The following CCDC148 variants were observed in gnomAD, a reference collection of about 807,000 sequenced individuals.
The protein encoded by CCDC148 is coiled-coil domain containing 148.
A neutral mutation model predicts 85.7 loss-of-function variants in CCDC148; 89 were observed. The observed-to-expected ratio is 1.04, with a 90% confidence interval of 0.87 to 1.24. The LOEUF (loss-of-function observed/expected upper bound fraction) is 1.24. Ranked by LOEUF, CCDC148 falls within the 50% of genes most tolerant of loss-of-function variation. The pLI, the probability that CCDC148 is intolerant of heterozygous loss-of-function variation, is 0.00. For missense variants in CCDC148, 692 were observed against 671.7 expected (o/e 1.03, Z -0.33); for synonymous variants, 230 against 213.9 (o/e 1.08, Z -0.66).
intron 7 of CCDC148, 126 bp from the exon 8 acceptor site, chr2:158,314,020 C>T (rs1692167470): frequency 1.2e-6 from 1 of 823,956 alleles, no homozygotes; most frequent in Non-Finnish European, 1.8e-6. Context: ...ATTTTAAATA[C>T]ATTAGCCAAA....
At chr2:158,426,768 G>C (rs1221805465) in intron 1 of CCDC148, among the ~76,000 whole-genome samples, 1 of 152,144 alleles carries the variant, frequency 6.6e-6, no homozygotes, top group Non-Finnish European at 1.5e-5. Context: ...AACTTTATTT[G>C]TTCCAGTGAT....
At chr2:158,331,411 A>G (rs1693110022) in intron 7 of CCDC148, among the ~76,000 whole-genome samples, 1 of 152,176 alleles carries the variant, frequency 6.6e-6, no homozygotes, top group African/African-American at 2.4e-5. Flanking sequence ...TTTGCTGAGG[A>G]GTGCTTTACT....
At chr2:158,354,756 C>T (rs55960715) in intron 2 of CCDC148, among the ~76,000 whole-genome samples, 26,180 of 149,520 alleles carry the variant, frequency 0.18, 2,955 homozygotes, top group Middle Eastern at 0.25. Flanking sequence ...GATACCAAAG[C>T]CGGGCAGAGA....
chr2:158,210,994 A>G (rs2105292034), intron 11 of CCDC148, among the ~76,000 whole-genome samples: 1 of 150,040 alleles, frequency 6.7e-6, no homozygotes, highest in South Asian at 2.1e-4. Flanking sequence ...ATGAGAACAC[A>G]TGGACACAGG....
At chr2:158,391,142 T>C (rs796580067) in intron 1 of CCDC148, among the ~76,000 whole-genome samples, 10 of 152,340 alleles carry the variant, frequency 6.6e-5, no homozygotes, top group African/African-American at 2.4e-4. Context: ...ATATGTTTCC[T>C]GCTTTCATGG....
Position 158,313,802 on chromosome 2 carries a change from A to C in CCDC148, c.857T>G (p.Leu286Arg). Residue 286 changes from leucine (L) to arginine (R), a missense_variant, in exon 8 of 14, where the codon CTG (leucine) becomes CGG (arginine). Leu to Arg is a moderately radical substitution (Grantham distance 102). Coordinates refer to ENST00000283233, the MANE Select transcript of CCDC148 (RefSeq NM_138803.4). ...GDLFGRRTLY[L>R]DMLQRYFPHK... ...AGGAAAATATCTTTGTAACATGTCC[A>C]GATACAGAGTCCTTCTTCCAAAGAG... is the stretch of plus-strand genomic sequence containing the variant. 1.2e-6 allele frequency: 2 copies of C among 1,614,060 alleles called. No homozygotes were observed. The highest frequency in any genetic ancestry group is 1.7e-6 in the Non-Finnish European group (2 of 1,179,936).
At chr2:158,405,221 A>G (rs1051468031) in intron 1 of CCDC148, among the ~76,000 whole-genome samples, 1 of 152,162 alleles carries the variant, frequency 6.6e-6, no homozygotes, top group African/African-American at 2.4e-5. Context: ...ATACATTCTG[A>G]CATTTTAATT....
At chr2:158,351,483 G>A (rs1467505868) in intron 2 of CCDC148, among the ~76,000 whole-genome samples, 1 of 105,462 alleles carries the variant, frequency 9.5e-6, no homozygotes, top group Non-Finnish European at 2.1e-5. Context: ...CTGGAAAATC[G>A]GGTCACTCCC....
At chr2:158,350,749 TA>T (rs1446006783) in intron 2 of CCDC148, among the ~76,000 whole-genome samples, 1 of 152,202 alleles carries the variant, frequency 6.6e-6, no homozygotes, top group African/African-American at 2.4e-5. Context: ...TTTTGTATTA[TA>T]TTTTTAATTG....
At chr2:158,318,757 G>C (rs1191566571) in intron 7 of CCDC148, among the ~76,000 whole-genome samples, 2 of 149,960 alleles carry the variant, frequency 1.3e-5, no homozygotes, top group African/African-American at 4.9e-5. Context: ...ACATGACCGA[G>C]ATAAAATAGC....
intron 9 of CCDC148, among the ~76,000 whole-genome samples, chr2:158,307,223 A>T (rs1475389776): frequency 1.3e-5 from 2 of 152,158 alleles, no homozygotes; most frequent in African/African-American, 4.8e-5. Context: ...ACAAATAAGT[A>T]AGAAAAAAAA....
intron 1 of CCDC148, among the ~76,000 whole-genome samples, chr2:158,359,355 T>A (rs1245235255): frequency 6.6e-6 from 1 of 152,120 alleles, no homozygotes. Flanking sequence ...TTCAGGCCAA[T>A]CACAGTGAAA....
intron 10 of CCDC148, among the ~76,000 whole-genome samples, chr2:158,246,335 T>C (rs1422049889): frequency 1.3e-5 from 2 of 152,130 alleles, no homozygotes; most frequent in East Asian, 1.9e-4. Flanking sequence ...AACAGTAAAA[T>C]AGTTAAAACA....
At chr2:158,381,976 T>G (rs1297553361) in intron 1 of CCDC148, among the ~76,000 whole-genome samples, 1 of 152,176 alleles carries the variant, frequency 6.6e-6, no homozygotes, top group African/African-American at 2.4e-5. Context: ...TATTAAGAGT[T>G]GGGGCCTCTT....
At chr2:158,275,195 A>T (rs1008104776) in intron 9 of CCDC148, among the ~76,000 whole-genome samples, 3 of 152,228 alleles carry the variant, frequency 2.0e-5, no homozygotes, top group African/African-American at 7.2e-5. Context: ...AATAAATTCT[A>T]GTCCCAAATC....
Position 158,265,961 on chromosome 2 carries a change from G to C in CCDC148, c.1111-15049C>G, listed in dbSNP as rs553363327. On this transcript the variant is annotated intron_variant, in intron 9 of 13. Transcript: ENST00000283233. ...ATCATCCTTAATATATCTAGACTCT[G>C]TTACTCACCTCCAGCCCCCTACTAA... Among the ~76,000 whole-genome samples the C allele has an allele frequency of 3.3e-4, 50 of 152,010 alleles. 1 individual carries two copies. The highest frequency in any genetic ancestry group is 1.8e-3 in the Admixed American group (28 of 15,232).
intron 1 of CCDC148, among the ~76,000 whole-genome samples, chr2:158,448,034 T>A (rs1264916212): frequency 1.3e-5 from 2 of 152,168 alleles, no homozygotes; most frequent in Non-Finnish European, 2.9e-5. Flanking sequence ...GTCTGTGATA[T>A]ATATAAATTT....
At chr2:158,205,687 G>T (rs185520511) in intron 11 of CCDC148, among the ~76,000 whole-genome samples, 1 of 152,286 alleles carries the variant, frequency 6.6e-6, no homozygotes, top group African/African-American at 2.4e-5. Flanking sequence ...TGTAGGTTTG[G>T]AAGGTAGCAA....
chr2:158,444,503 G>C (rs1405653055), intron 1 of CCDC148, among the ~76,000 whole-genome samples: 2 of 152,018 alleles, frequency 1.3e-5, no homozygotes, highest in African/African-American at 4.8e-5. Context: ...AGAAAATGCT[G>C]GGTGCAGTGG....
Sources: gnomAD v4.1 joint callset for allele counts (sites outside exome capture counted in the v4.1 genomes callset) on GRCh38, gnomAD v4.1.1 for gene constraint, MANE v1.5 for transcripts, NCBI Gene and HGNC (gene_info 2026-07-23, HGNC 2026-07-21) for gene names.